The following TAF3 variants were observed in gnomAD, a reference collection of about 807,000 sequenced individuals.
TAF3 encodes the protein transcription initiation factor TFIID subunit 3.
Under a neutral mutation model 80.6 loss-of-function variants are expected in TAF3, and 7 were observed. That is an observed-to-expected ratio of 0.09 (90% CI 0.05 to 0.16). The LOEUF (loss-of-function observed/expected upper bound fraction) is 0.16, where lower values mean the gene tolerates loss of function less well. TAF3 is among the 10% of genes least tolerant of loss of function. The pLI is 1.00. For missense variants in TAF3, 921 were observed against 1,140.2 expected, an observed-to-expected ratio of 0.81 and a Z score of 2.77; for synonymous variants, 444 against 446.1, an observed-to-expected ratio of 1.00 and a Z score of 0.06.
At chr10:7,866,424 A>G (rs1213203188) in intron 2 of TAF3, among the ~76,000 whole-genome samples, 3 of 152,200 alleles carry the variant, frequency 2.0e-5, no homozygotes, top group Non-Finnish European at 4.4e-5. Flanking sequence ...CTGAGAAGGG[A>G]GCACTTAAGC....
intron 2 of TAF3, among the ~76,000 whole-genome samples, chr10:7,890,627 T>C (rs1235867341): frequency 6.6e-6 from 1 of 152,256 alleles, no homozygotes; most frequent in Admixed American, 6.5e-5. Context: ...CTTGCTTTTC[T>C]TGCATAAAAC....
intron 2 of TAF3, among the ~76,000 whole-genome samples, chr10:7,914,441 G>T (rs1837686550): frequency 6.6e-6 from 1 of 152,236 alleles, no homozygotes; most frequent in African/African-American, 2.4e-5. Context: ...AGAGTATTTT[G>T]TTTATTTATT....
chr10:7,926,334 G>A (rs1203335016), intron 2 of TAF3, among the ~76,000 whole-genome samples: 1 of 152,114 alleles, frequency 6.6e-6, no homozygotes, highest in African/African-American at 2.4e-5. Flanking sequence ...TGAATGTTCA[G>A]TAATTCCTGC....
chr10:7,841,141 G>A (rs1485956265), intron 2 of TAF3, among the ~76,000 whole-genome samples: 2 of 152,212 alleles, frequency 1.3e-5, no homozygotes, highest in Non-Finnish European at 2.9e-5. Context: ...GTGAGCTGCC[G>A]CGCCCGGCCT....
intron 1 of TAF3, among the ~76,000 whole-genome samples, chr10:7,823,582 G>T (rs1254641907): frequency 6.6e-6 from 1 of 152,030 alleles, no homozygotes; most frequent in East Asian, 1.9e-4. Context: ...GCAGCAAGGA[G>T]CTGTGATCAT....
At chr10:7,864,293 T>G (rs2131139028) in intron 2 of TAF3, among the ~76,000 whole-genome samples, 1 of 152,308 alleles carries the variant, frequency 6.6e-6, no homozygotes, top group South Asian at 2.1e-4. Flanking sequence ...TCTCCATAGT[T>G]TTACTTTTTT....
rs575869866 is a variant in TAF3 at position 7,868,743 on chromosome 10, T to C, written c.409+44183T>C. On this transcript the variant is annotated intron_variant, in intron 2 of 6. Transcript: ENST00000344293. ...TATAAAGATCCTAGTGCCATGTCTT[T>C]TGGCACCTAGAAAGTACCAAGTAAA... is the stretch of plus-strand genomic sequence containing the variant. Among the ~76,000 whole-genome samples the C allele has an allele frequency of 2.6e-5, 4 of 152,332 alleles. No homozygotes were observed. The East Asian group carries it at 7.7e-4, about 29-fold the overall frequency.
intron 2 of TAF3, among the ~76,000 whole-genome samples, chr10:7,952,079 A>C (rs1055481685): frequency 1.3e-5 from 2 of 152,208 alleles, no homozygotes; most frequent in African/African-American, 4.8e-5. Flanking sequence ...GTCTAGGAAA[A>C]TCATGATGAT....
intron 4 of TAF3, among the ~76,000 whole-genome samples, chr10:8,005,625 A>G (rs1831983994): frequency 6.6e-6 from 1 of 152,190 alleles, no homozygotes; most frequent in Non-Finnish European, 1.5e-5. Context: ...CTTGGGGTAA[A>G]GCATCTGTGT....
intron 2 of TAF3, among the ~76,000 whole-genome samples, chr10:7,842,839 T>C (rs2131117053): frequency 6.6e-6 from 1 of 152,352 alleles, no homozygotes; most frequent in East Asian, 1.9e-4. Flanking sequence ...AGATATGATT[T>C]TCCAAGGGCA....
chr10:7,966,580 G>A (rs551198048), intron 3 of TAF3, among the ~76,000 whole-genome samples: 6 of 152,186 alleles, frequency 3.9e-5, no homozygotes, highest in African/African-American at 1.2e-4. Flanking sequence ...TAAACTTTCC[G>A]AAAAAGTATC....
intron 4 of TAF3, among the ~76,000 whole-genome samples, chr10:7,983,294 G>C (rs533425547): frequency 6.6e-6 from 1 of 152,354 alleles, no homozygotes; most frequent in African/African-American, 2.4e-5. Flanking sequence ...GTAGGTTCCA[G>C]AAGGAAAGGA....
chr10:7,849,667 C>T lies in TAF3; in HGVS notation c.409+25107C>T, dbSNP rs1837007269. Among the ~76,000 whole-genome samples the T allele has an allele frequency of 2.0e-5, 3 of 151,146 alleles. No individual in the cohort carries two copies. The South Asian group carries it at 6.3e-4, about 32-fold the overall frequency. ...AATTATAACAACTATTGGGGGGGTTCATGCGAACTTTTTTTTTTTTTCTTT... is the reference window on the plus strand; with the variant it reads ...AATTATAACAACTATTGGGGGGGTTTATGCGAACTTTTTTTTTTTTTCTTT... On this transcript the variant is annotated intron_variant, in intron 2 of 6. Coordinates refer to ENST00000344293, the MANE Select transcript of TAF3 (RefSeq NM_031923.4).
intron 1 of TAF3, among the ~76,000 whole-genome samples, chr10:7,819,199 C>T (rs2131093509): frequency 6.6e-6 from 1 of 151,896 alleles, no homozygotes; most frequent in East Asian, 1.9e-4. Flanking sequence ...CGGGTAGATC[C>T]ACCCCCAGCG....
intron 2 of TAF3, among the ~76,000 whole-genome samples, chr10:7,848,782 G>T (rs910679452): frequency 1.3e-5 from 2 of 152,064 alleles, no homozygotes; most frequent in African/African-American, 2.4e-5. Flanking sequence ...CCTAAAGTTT[G>T]GCATAAACTT....
rs79714477 is a variant in TAF3 at position 7,889,680 on chromosome 10, A to G, written c.409+65120A>G. On this transcript the variant is annotated intron_variant, in intron 2 of 6. Coordinates refer to ENST00000344293, the MANE Select transcript of TAF3 (RefSeq NM_031923.4). ...CCACCTCTTAGTTATTCTTCCCAAG[A>G]AGGAATTAATTATTTCTTCCATTGG... is the stretch of plus-strand genomic sequence containing the variant. Among the ~76,000 whole-genome samples the G allele has an allele frequency of 4.7e-3, 713 of 152,288 alleles. 6 individuals are homozygous for G. Among genetic ancestry groups the G allele is most frequent in the African/African-American group, 0.016 (681 of 41,558 alleles).
At position 7,965,233 on chromosome 10, in the gene TAF3, C is replaced by A; in HGVS notation, c.1723C>A (p.Pro575Thr). 2 of 1,608,650 alleles carry A rather than the reference C, an allele frequency of 1.2e-6. No homozygotes were observed. The highest frequency in any genetic ancestry group is 1.1e-5 in the South Asian group (1 of 89,386). The change falls in exon 3 of 7, where the codon CCC (proline) becomes ACC (threonine). Residue 575 changes from proline to threonine, a missense_variant. Coordinates refer to ENST00000344293, the MANE Select transcript of TAF3 (RefSeq NM_031923.4). ...GGAAACTGGCAGGGAAACAAAGTATCCCTGGAAGGAATTTCTTAAAGAGGA... is the reference window on the plus strand; with the variant it reads ...GGAAACTGGCAGGGAAACAAAGTATACCTGGAAGGAATTTCTTAAAGAGGA... ...DKETGRETKYPWKEFLKEEEA... is the reference protein window; with the variant it reads ...DKETGRETKYTWKEFLKEEEA...
intron 2 of TAF3, among the ~76,000 whole-genome samples, chr10:7,923,300 A>C (rs2131190836): frequency 6.6e-6 from 1 of 152,206 alleles, no homozygotes; most frequent in African/African-American, 2.4e-5. Context: ...ATGTAATTTA[A>C]AATTGCTTTG....
At chr10:7,894,338 T>C (rs1364684948) in intron 2 of TAF3, among the ~76,000 whole-genome samples, 1 of 152,086 alleles carries the variant, frequency 6.6e-6, no homozygotes, top group Non-Finnish European at 1.5e-5. Flanking sequence ...CCACCTAAGG[T>C]AGACAAGTAT....
Sources: allele counts gnomAD v4.1 joint callset (sites outside exome capture counted in the v4.1 genomes callset), GRCh38; gene constraint gnomAD v4.1.1; transcripts MANE v1.5; gene names NCBI Gene and HGNC (gene_info 2026-07-23, HGNC 2026-07-21).